Variants in LRIG1 observed in about 807,000 individuals in gnomAD.
LRIG1 encodes leucine rich repeats and immunoglobulin like domains 1, also known as leucine-rich repeats and immunoglobulin-like domains protein 1.
Under a neutral mutation model 99.2 loss-of-function variants are expected in LRIG1, and 48 were observed. The observed-to-expected ratio is 0.48, with a 90% CI of 0.38 to 0.62. The LOEUF (loss-of-function observed/expected upper bound fraction) is 0.62. Ranked by LOEUF, LRIG1 falls within the 20% of genes least tolerant of loss-of-function variation. The pLI is 0.00. For missense variants in LRIG1, 1,646 were observed against 1,434.4 expected, an observed-to-expected ratio of 1.15 and a Z score of -2.38; for synonymous variants, 772 against 596.1, an observed-to-expected ratio of 1.29 and a Z score of -4.30.
At chr3:66,390,805 AAT>A (rs1433386034) in intron 12 of LRIG1, among the ~76,000 whole-genome samples, 3 of 152,200 alleles carry the variant, frequency 2.0e-5, no homozygotes, top group African/African-American at 7.2e-5. Flanking sequence ...TAAAAGAAAA[AAT>A]AGAGATATTG....
rs1452538950 is a variant in LRIG1, at chr3:66,500,307, G to A, written c.101C>T (p.Ala34Val). The A allele has an allele frequency of 4.1e-6, 6 of 1,475,970 alleles. No homozygotes were observed. The African/African-American group carries it at 4.3e-5, about 11-fold the overall frequency. 91.4% of individuals were successfully genotyped at this position (1,475,970 alleles called of 1,614,324 possible). Residue 34 changes from alanine (A) to valine (V), a missense_variant, in exon 1 of 19, where the codon GCG becomes GTG. Coordinates refer to ENST00000273261, the MANE Select transcript of LRIG1 (RefSeq NM_015541.3). ...CGCGCAGGGCGCCCGCGGGCCGGCCGCGGCGGTCACCGGCTCCAGCCGAAG... is the reference window on the plus strand; with the variant it reads ...CGCGCAGGGCGCCCGCGGGCCGGCCACGGCGGTCACCGGCTCCAGCCGAAG... The part of the protein sequence containing the change: ...LLLRLEPVTA[A>V]AGPRAPCAAA...
intron 3 of LRIG1, among the ~76,000 whole-genome samples, chr3:66,446,626 G>A (rs559616085): frequency 2.0e-5 from 3 of 151,776 alleles, no homozygotes; most frequent in South Asian, 4.2e-4. Context: ...GGCTGGTCTC[G>A]AACTCCTGAC....
At chr3:66,387,080 T>G (rs541353197) in intron 12 of LRIG1, 2 of 147,536 alleles carry the variant, frequency 1.4e-5, no homozygotes, top group African/African-American at 2.5e-5. Flanking sequence ...TGATCTAGTT[T>G]GCCGAGCAGG....
intron 3 of LRIG1, among the ~76,000 whole-genome samples, chr3:66,441,390 A>T (rs1703533399): frequency 6.6e-6 from 1 of 152,202 alleles, no homozygotes; most frequent in South Asian, 2.1e-4. Flanking sequence ...GGCTCTGCCG[A>T]GACCTGACGA....
At chr3:66,442,532 C>G (rs369683538) in intron 3 of LRIG1, among the ~76,000 whole-genome samples, 1 of 151,926 alleles carries the variant, frequency 6.6e-6, no homozygotes. Flanking sequence ...CCCTTTCACA[C>G]GGGAGATTGT....
At position 66,380,389 on chromosome 3, in the gene LRIG1, G is replaced by A; in HGVS notation, c.3156C>T (p.Ala1052=). The change falls in exon 19 of 19, where the codon GCC becomes GCT. Residue 1052 remains alanine, a synonymous_variant. Coordinates refer to ENST00000273261, the MANE Select transcript of LRIG1 (RefSeq NM_015541.3). ...LTSGSPERAE[A]QYLLVSNGHL... Reference sequence around the variant, plus strand: ...GGCCATTGGAAACAAGCAAGTACTGGGCTTCCGCGCGCTCTGGACTGCCTG... The same window carrying A: ...GGCCATTGGAAACAAGCAAGTACTGAGCTTCCGCGCGCTCTGGACTGCCTG... 5 of 1,614,158 alleles carry A rather than the reference G, an allele frequency of 3.1e-6. No individual in the cohort carries two copies. Among genetic ancestry groups the A allele is most frequent in the Non-Finnish European group, 4.2e-6 (5 of 1,180,020 alleles).
At chr3:66,424,563 C>T (rs1342160857) in intron 3 of LRIG1, among the ~76,000 whole-genome samples, 1 of 152,202 alleles carries the variant, frequency 6.6e-6, no homozygotes, top group African/African-American at 2.4e-5. Context: ...ACTAACTGCA[C>T]AGTTCCCAAG....
intron 8 of LRIG1, 148 bp from the exon 9 acceptor site, chr3:66,405,426 G>A (rs1332927765): frequency 1.6e-5 from 11 of 679,698 alleles, no homozygotes; most frequent in Non-Finnish European, 2.9e-5. Context: ...GAGACACGTG[G>A]CCCTGGGAGG....
In LRIG1 at chr3:66,405,223, A is replaced by C; in HGVS notation, c.1135T>G (p.Ser379Ala). The stretch of plus-strand genomic sequence containing the variant: ...AGCTTGCTGAGGCTGTCGAGCCCTG[A>C]GAAGGCGCCGCTCGTGTCCTCTATT... ...GTIEDTSGAF[S>A]GLDSLSKLTL... The change falls in exon 9 of 19, where the codon TCA becomes GCA. Residue 379 changes from serine to alanine, a missense_variant. Coordinates refer to ENST00000273261, the MANE Select transcript of LRIG1 (RefSeq NM_015541.3). The C allele has an allele frequency of 6.2e-7, 1 of 1,614,212 alleles. No homozygotes were observed. The highest frequency in any genetic ancestry group is 8.5e-7 in the Non-Finnish European group (1 of 1,180,018).
intron 3 of LRIG1, among the ~76,000 whole-genome samples, chr3:66,448,038 T>C (rs1403844469): frequency 6.6e-6 from 1 of 152,258 alleles, no homozygotes; most frequent in Non-Finnish European, 1.5e-5. Flanking sequence ...CCTTGAGTTC[T>C]ATGCTTTCTG....
intron 9 of LRIG1, among the ~76,000 whole-genome samples, chr3:66,404,767 G>A (rs771798687): frequency 6.6e-6 from 1 of 152,120 alleles, no homozygotes; most frequent in African/African-American, 2.4e-5. Context: ...TGGAAATGAC[G>A]TGGTTATTTG....
intron 16 of LRIG1, among the ~76,000 whole-genome samples, chr3:66,381,971 G>C (rs955874934): frequency 1.3e-5 from 2 of 152,160 alleles, no homozygotes; most frequent in African/African-American, 4.8e-5. Flanking sequence ...TAAGGAATGG[G>C]TTGGCTGGGT....
chr3:66,436,737 G>T (rs1038779477), intron 3 of LRIG1, among the ~76,000 whole-genome samples: 5 of 152,122 alleles, frequency 3.3e-5, no homozygotes, highest in Non-Finnish European at 7.3e-5. Flanking sequence ...TTAGAGACAG[G>T]GAAGCAGCAC....
chr3:66,499,228 T>C (rs1318937841), intron 1 of LRIG1, among the ~76,000 whole-genome samples: 2 of 152,196 alleles, frequency 1.3e-5, no homozygotes, highest in Non-Finnish European at 1.5e-5. Flanking sequence ...GCCTTTTTTT[T>C]CCTGTCAAAT....
Position 66,398,282 on chromosome 3 carries a change from C to T in LRIG1, c.1233-99G>A, listed in dbSNP as rs878944395. ...TTCACAGATGACCCACAGGGACTAG[C>T]CAGACCTGTGTCCTAACTACTATAA... On this transcript the variant is annotated intron_variant, in intron 10 of 18. Coordinates refer to ENST00000273261, the MANE Select transcript of LRIG1 (RefSeq NM_015541.3). The T allele has an allele frequency of 1.3e-5, 11 of 862,214 alleles. No individual in the cohort carries two copies. The South Asian group carries it at 1.3e-4, about 10-fold the overall frequency. 53.4% of individuals were successfully genotyped at this position (862,214 alleles called of 1,614,324 possible).
chr3:66,424,954 T>C (rs985654074), intron 3 of LRIG1, among the ~76,000 whole-genome samples: 10 of 152,222 alleles, frequency 6.6e-5, no homozygotes, highest in Non-Finnish European at 1.5e-4. Flanking sequence ...TAGACTAGGC[T>C]AGGTTGTGGT....
intron 1 of LRIG1, among the ~76,000 whole-genome samples, chr3:66,489,899 G>C (rs1320720528): frequency 1.3e-5 from 2 of 151,984 alleles, no homozygotes; most frequent in Non-Finnish European, 2.9e-5. Context: ...TGCCTCTTTG[G>C]GCAAGCACCC....
intron 3 of LRIG1, among the ~76,000 whole-genome samples, chr3:66,422,732 T>TC (rs1262297734): frequency 6.6e-6 from 1 of 152,216 alleles, no homozygotes; most frequent in African/African-American, 2.4e-5. Context: ...TTCAGCAATG[T>TC]CCCACTCTAC....
chr3:66,423,848 C>T (rs1044100836), intron 3 of LRIG1, among the ~76,000 whole-genome samples: 1 of 152,218 alleles, frequency 6.6e-6, no homozygotes, highest in African/African-American at 2.4e-5. Context: ...GCCCCATGGG[C>T]TGATATGACC....
Sources: gnomAD v4.1 joint callset for allele counts (sites outside exome capture counted in the v4.1 genomes callset) on GRCh38, gnomAD v4.1.1 for gene constraint, MANE v1.5 for transcripts, NCBI Gene and HGNC (gene_info 2026-07-23, HGNC 2026-07-21) for gene names.